Variants in TLK1 observed in about 807,000 individuals in gnomAD.
TLK1 encodes tousled like kinase 1.
Under a neutral mutation model 105.3 loss-of-function variants are expected in TLK1, and 24 were observed. The observed-to-expected ratio is 0.23, with a 90% CI of 0.17 to 0.32. TLK1 has a LOEUF of 0.32. Ranked by LOEUF, TLK1 falls within the 10% of genes least tolerant of loss-of-function variation. The pLI is 1.00. For missense variants in TLK1, 558 were observed against 910.5 expected (o/e 0.61, Z 4.98); for synonymous variants, 321 against 310.4 (o/e 1.03, Z -0.36).
chr2:171,106,194 C>T (rs1486599091), intron 2 of TLK1, among the ~76,000 whole-genome samples: 2 of 151,996 alleles, frequency 1.3e-5, no homozygotes, highest in Non-Finnish European at 2.9e-5. Flanking sequence ...GAAGAGTAGG[C>T]GGGAGGGGAC....
chr2:170,996,113 C>T (rs771298258), intron 20 of TLK1, among the ~76,000 whole-genome samples: 4 of 151,982 alleles, frequency 2.6e-5, no homozygotes, highest in Non-Finnish European at 5.9e-5. Flanking sequence ...ATCCTCCCAC[C>T]TCAGACTCCC....
intron 2 of TLK1, among the ~76,000 whole-genome samples, chr2:171,100,002 C>T (rs1295376495): frequency 6.6e-6 from 1 of 152,062 alleles, no homozygotes; most frequent in Non-Finnish European, 1.5e-5. Flanking sequence ...ATCTGTAAAT[C>T]GTGTATCTGA....
Position 171,213,516 on chromosome 2 carries a change from T to TA in TLK1, c.-6+17628dup, listed in dbSNP as rs1267352354. ...CCATGCCAGGCCTATATCTTTTTTT[T>TA]AAAAAAAAAAATTTATTTTAGTTTG... is the stretch of plus-strand genomic sequence containing the variant. On this transcript the variant is annotated intron_variant, in intron 1 of 20. Transcript: ENST00000521943. Among the ~76,000 whole-genome samples, 615 of 149,380 alleles carry TA rather than the reference T, an allele frequency of 4.1e-3. 8 individuals are homozygous for TA. Among genetic ancestry groups the TA allele is most frequent in the African/African-American group, 0.013 (522 of 40,836 alleles).
At chr2:171,151,160 GGCGT>G (rs1168679023) in intron 1 of TLK1, among the ~76,000 whole-genome samples, 1 of 152,024 alleles carries the variant, frequency 6.6e-6, no homozygotes, top group East Asian at 1.9e-4. Context: ...TGCAACTACA[GGCGT>G]GCACCACAAT....
At chr2:171,190,602 A>G (rs997201060) in intron 1 of TLK1, among the ~76,000 whole-genome samples, 2 of 152,228 alleles carry the variant, frequency 1.3e-5, no homozygotes, top group African/African-American at 4.8e-5. Flanking sequence ...AAAACAAACA[A>G]AACAAATTTC....
At chr2:171,226,003 A>T (rs986772819) in intron 1 of TLK1, among the ~76,000 whole-genome samples, 7 of 152,094 alleles carry the variant, frequency 4.6e-5, no homozygotes, top group Admixed American at 3.9e-4. Flanking sequence ...ATCCTAAATT[A>T]TAAATCGATA....
At position 170,996,684 on chromosome 2, in the gene TLK1, G is replaced by A; in HGVS notation, c.2093C>T (p.Pro698Leu). Residue 698 changes from proline (P) to leucine (L), a missense_variant, in exon 20 of 21, where the codon CCT becomes CTT. Around this residue, in one of 5 missense-constraint regions of TLK1, gnomAD observed 218 missense variants for 492.9 expected, o/e 0.44. Transcript: ENST00000431350. ...TTCACTGCTTACAACCGGTTTTACA[G>A]GGAACTGGACTTCTGTGGCTTTTAA... is the stretch of plus-strand genomic sequence containing the variant. ...TILKATEVQF[P>L]VKPVVSSEAK... 6.2e-7 allele frequency: 1 copy of A among 1,613,584 alleles called. No homozygotes were observed. The highest frequency in any genetic ancestry group is 8.5e-7 in the Non-Finnish European group (1 of 1,179,806).
chr2:171,143,312 C>T (rs1170731804), intron 1 of TLK1, among the ~76,000 whole-genome samples: 1 of 151,652 alleles, frequency 6.6e-6, no homozygotes, highest in Non-Finnish European at 1.5e-5. Flanking sequence ...CAAGACCAGC[C>T]CAGTCAACAC....
In TLK1 at chr2:171,050,053, T is replaced by C. The variant is rs1248465857; in HGVS notation, c.843+11A>G. 3.1e-6 allele frequency: 5 copies of C among 1,604,948 alleles called. 1 individual carries two copies. The Admixed American group carries it at 8.5e-5, about 27-fold the overall frequency. ...AAGGGAAAGCGAAAATTTACTCAAC[T>C]TTTAGCCTACCTTTTCAATAAGAAG... On this transcript the variant is annotated intron_variant, in intron 9 of 20. Coordinates refer to ENST00000431350, the MANE Select transcript of TLK1 (RefSeq NM_012290.5).
intron 1 of TLK1, among the ~76,000 whole-genome samples, chr2:171,213,515 T>C (rs1450858557): frequency 6.6e-6 from 1 of 151,408 alleles, no homozygotes; most frequent in Non-Finnish European, 1.5e-5. Flanking sequence ...TATCTTTTTT[T>C]TAAAAAAAAA....
rs557119203 is a variant in TLK1 at position 171,082,373 on chromosome 2, G to C, written c.330+408C>G. On this transcript the variant is annotated intron_variant, in intron 3 of 20. Coordinates refer to ENST00000431350, the MANE Select transcript of TLK1 (RefSeq NM_012290.5). ...ATGATTCCATAAGAAATTCTAAAAA[G>C]AGGGAAAAAATGTGTATCTCAGAAA... is the stretch of plus-strand genomic sequence containing the variant. Among the ~76,000 whole-genome samples, 12 of 151,854 alleles carry C rather than the reference G, an allele frequency of 7.9e-5. 1 individual carries two copies. The South Asian group carries it at 1.7e-3, about 21-fold the overall frequency.
At chr2:170,994,636 G>A in intron 20 of TLK1, 2 of 510,890 alleles carry the variant, frequency 3.9e-6, no homozygotes, top group Non-Finnish European at 7.8e-6. Flanking sequence ...TATGTAACTG[G>A]CAACCAGATC....
chr2:171,213,891 TA>T (rs901313734), intron 1 of TLK1, among the ~76,000 whole-genome samples: 5 of 149,612 alleles, frequency 3.3e-5, no homozygotes, highest in East Asian at 4.2e-4. Flanking sequence ...CCCAGCAATT[TA>T]AAAAAAATTT....
rs189711772 is a variant in TLK1, at chr2:171,034,794, G to A, written c.1170-6389C>T. Among the ~76,000 whole-genome samples, 4 of 152,258 alleles carry A rather than the reference G, an allele frequency of 2.6e-5. No homozygotes were observed. The East Asian group carries it at 7.7e-4, about 29-fold the overall frequency. On this transcript the variant is annotated intron_variant, in intron 11 of 20. Transcript: ENST00000431350. The stretch of plus-strand genomic sequence containing the variant: ...TAGGAAAAAAAATAGGTGATTGTGG[G>A]AGGGATGAAACTAGTCTTCCTTTGA...
chr2:171,027,658 T>C (rs1181116594), intron 12 of TLK1, among the ~76,000 whole-genome samples: 2 of 152,216 alleles, frequency 1.3e-5, no homozygotes, highest in African/African-American at 4.8e-5. Context: ...TATTTTATTA[T>C]GAAATGAACA....
chr2:171,123,598 AAG>A (rs1690746929), intron 1 of TLK1, among the ~76,000 whole-genome samples: 1 of 152,196 alleles, frequency 6.6e-6, no homozygotes, highest in South Asian at 2.1e-4. Flanking sequence ...GTTTGAGCCC[AAG>A]AGTCCGAGAC....
chr2:171,022,106 C>CACACACACACAG (rs1416578468), intron 12 of TLK1, among the ~76,000 whole-genome samples: 1 of 151,576 alleles, frequency 6.6e-6, no homozygotes, highest in East Asian at 1.9e-4. Context: ...CACACACACA[C>CACACACACACAG]ACACACACAC....
At chr2:171,025,680 T>C (rs1295722705) in intron 12 of TLK1, among the ~76,000 whole-genome samples, 1 of 152,234 alleles carries the variant, frequency 6.6e-6, no homozygotes, top group Non-Finnish European at 1.5e-5. Flanking sequence ...TCTTTTCTTT[T>C]GACTCAAGCC....
At chr2:171,085,671 C>A (rs936385337) in intron 2 of TLK1, among the ~76,000 whole-genome samples, 3 of 152,072 alleles carry the variant, frequency 2.0e-5, no homozygotes, top group Non-Finnish European at 4.4e-5. Flanking sequence ...TAAACGGTTA[C>A]CAAAAATGCA....
Sources: gnomAD v4.1 joint callset for allele counts (sites outside exome capture counted in the v4.1 genomes callset) on GRCh38, gnomAD v4.1.1 for gene constraint, gnomAD v4.1.1 regional missense constraint, MANE v1.5 for transcripts, NCBI Gene and HGNC (gene_info 2026-07-23, HGNC 2026-07-21) for gene names.